Variants in UNC13C observed in about 807,000 individuals in gnomAD.
The protein encoded by UNC13C is unc-13 homolog C.
UNC13C carries 174 observed loss-of-function variants against 245.4 expected under a neutral mutation model. The observed-to-expected ratio is 0.71, with a 90% CI of 0.63 to 0.80. The LOEUF is 0.80. UNC13C is among the 30% of genes least tolerant of loss of function. The pLI is 0.00. For synonymous variants in UNC13C, 992 were observed against 895.1 expected (o/e 1.11, Z -1.93); for missense variants, 2,829 against 2,602.9 (o/e 1.09, Z -1.89).
At chr15:54,170,673 T>C (rs1229459348) in intron 4 of UNC13C, among the ~76,000 whole-genome samples, 1 of 152,138 alleles carries the variant, frequency 6.6e-6, no homozygotes, top group African/African-American at 2.4e-5. Context: ...TTTAAGCTAT[T>C]TGAATGTTAG....
At chr15:54,111,215 A>G (rs1222724722) in intron 2 of UNC13C, among the ~76,000 whole-genome samples, 1 of 152,218 alleles carries the variant, frequency 6.6e-6, no homozygotes, top group Admixed American at 6.5e-5. Flanking sequence ...AAAGGCTCCC[A>G]TATGTCTTCC....
the UNC13C span, among the ~76,000 whole-genome samples, chr15:53,949,227 A>G: frequency 6.6e-6 from 1 of 152,210 alleles, no homozygotes; most frequent in Admixed American, 6.5e-5. Flanking sequence ...ACAGAATGTG[A>G]GACACTGACC....
At chr15:53,888,560 C>A in the UNC13C span, among the ~76,000 whole-genome samples, 1 of 152,264 alleles carries the variant, frequency 6.6e-6, no homozygotes, top group Admixed American at 6.5e-5. Context: ...TTAATTAGAT[C>A]CCATTTGTCA....
intron 8 of UNC13C, among the ~76,000 whole-genome samples, chr15:54,262,549 T>C (rs2036453052): frequency 1.3e-5 from 2 of 152,238 alleles, no homozygotes; most frequent in South Asian, 2.1e-4. Context: ...TAAACCAATA[T>C]TGATAAATTA....
intron 17 of UNC13C, among the ~76,000 whole-genome samples, chr15:54,391,162 T>C (rs936122142): frequency 1.3e-5 from 2 of 152,208 alleles, no homozygotes; most frequent in South Asian, 2.1e-4. Flanking sequence ...ATATCATGTG[T>C]AATAATTTTC....
chr15:54,075,391 A>G (rs1048925398), intron 2 of UNC13C, among the ~76,000 whole-genome samples: 1 of 151,864 alleles, frequency 6.6e-6, no homozygotes, highest in Non-Finnish European at 1.5e-5. Context: ...AGGCTGAGTC[A>G]GGAGAATGGC....
chr15:54,557,261 C>T (rs1297982665), intron 29 of UNC13C, among the ~76,000 whole-genome samples: 3 of 151,790 alleles, frequency 2.0e-5, no homozygotes, highest in African/African-American at 7.3e-5. Flanking sequence ...CTCCAGTTCC[C>T]CTCTTCCCTA....
At chr15:53,874,412 A>G in the UNC13C span, among the ~76,000 whole-genome samples, 2 of 152,194 alleles carry the variant, frequency 1.3e-5, no homozygotes, top group Non-Finnish European at 2.9e-5. Context: ...AAGTGGCAGT[A>G]CCAGGAATGT....
chr15:54,281,007 A>G (rs1428717752), intron 10 of UNC13C, among the ~76,000 whole-genome samples: 1 of 151,940 alleles, frequency 6.6e-6, no homozygotes, highest in African/African-American at 2.4e-5. Context: ...CATGTTGGCC[A>G]GGCTGTTCTC....
At chr15:54,190,738 G>T (rs966083161) in intron 4 of UNC13C, among the ~76,000 whole-genome samples, 1 of 151,736 alleles carries the variant, frequency 6.6e-6, no homozygotes, top group Non-Finnish European at 1.5e-5. Flanking sequence ...TTTGTTTTAG[G>T]TGTGTATTTA....
intron 19 of UNC13C, among the ~76,000 whole-genome samples, chr15:54,444,765 G>C (rs571528696): frequency 4.0e-5 from 6 of 151,720 alleles, no homozygotes; most frequent in Middle Eastern, 3.4e-3. Flanking sequence ...TCACTTCCAG[G>C]TGTAGAACTG....
intron 4 of UNC13C, among the ~76,000 whole-genome samples, chr15:54,229,081 A>G (rs2035476880): frequency 6.6e-6 from 1 of 152,300 alleles, no homozygotes; most frequent in South Asian, 2.1e-4. Context: ...TTCTGTGGGC[A>G]CTGGCTGAGT....
At chr15:54,009,091 A>G (rs1595707108) in intron 1 of UNC13C, among the ~76,000 whole-genome samples, 1 of 152,296 alleles carries the variant, frequency 6.6e-6, no homozygotes, top group Non-Finnish European at 1.5e-5. Context: ...TAAAGCATCT[A>G]TGGTTTTATG....
At chr15:54,297,223 C>T (rs1388524567) in intron 11 of UNC13C, among the ~76,000 whole-genome samples, 1 of 152,100 alleles carries the variant, frequency 6.6e-6, no homozygotes, top group Non-Finnish European at 1.5e-5. Context: ...ATCAAATACA[C>T]AGAAATATAT....
At chr15:54,508,363 G>T (rs1894577125) in intron 23 of UNC13C, among the ~76,000 whole-genome samples, 1 of 152,040 alleles carries the variant, frequency 6.6e-6, no homozygotes, top group African/African-American at 2.4e-5. Flanking sequence ...AGGCAAATTA[G>T]TTTTTAAAAG....
At chr15:54,345,308 A>G (rs1000375802) in intron 17 of UNC13C, among the ~76,000 whole-genome samples, 1 of 152,214 alleles carries the variant, frequency 6.6e-6, no homozygotes. Context: ...AATTATAGGT[A>G]TATTTCACCT....
intron 1 of UNC13C, among the ~76,000 whole-genome samples, chr15:53,980,527 A>G (rs1291500047): frequency 6.6e-6 from 1 of 152,264 alleles, no homozygotes; most frequent in Non-Finnish European, 1.5e-5. Flanking sequence ...ATCATCTAAA[A>G]GAATATTTGA....
intron 4 of UNC13C, among the ~76,000 whole-genome samples, chr15:54,220,752 T>C (rs1447532270): frequency 2.6e-5 from 4 of 151,948 alleles, no homozygotes; most frequent in Admixed American, 6.6e-5. Flanking sequence ...TTGACTGTTT[T>C]AGTGGTGGCA....
chr15:53,976,361 C>G (rs914786852), upstream of UNC13C, among the ~76,000 whole-genome samples: 2 of 151,870 alleles, frequency 1.3e-5, no homozygotes, highest in African/African-American at 4.8e-5. Context: ...GATTACCACC[C>G]CTGGTGTGAT....
Sources: allele counts gnomAD v4.1 joint callset (sites outside exome capture counted in the v4.1 genomes callset), GRCh38; gene constraint gnomAD v4.1.1; transcripts MANE v1.5; gene names NCBI Gene and HGNC (gene_info 2026-07-23, HGNC 2026-07-21).